The following KLF13 variants were observed in gnomAD, a reference collection of about 807,000 sequenced individuals.
KLF13 encodes KLF transcription factor 13, also known as Krueppel-like factor 13.
Under a neutral mutation model 16.7 loss-of-function variants are expected in KLF13, and 8 were observed. The ratio of observed to expected loss-of-function variants is 0.48; its 90% CI spans 0.28 to 0.87. The LOEUF (loss-of-function observed/expected upper bound fraction) is 0.87. Among genes scored for constraint, KLF13 ranks in the 40% least tolerant of loss-of-function variants. The probability of loss-of-function intolerance (pLI) is 0.10; values close to 1 mark genes in which losing one functional copy is unlikely to be tolerated. For missense variants in KLF13, 447 were observed against 452.2 expected (o/e 0.99, Z 0.10); for synonymous variants, 245 against 208.4 (o/e 1.18, Z -1.51).
At chr15:31,347,927 AC>A (rs2039151105) in intron 1 of KLF13, among the ~76,000 whole-genome samples, 1 of 152,224 alleles carries the variant, frequency 6.6e-6, no homozygotes, top group Non-Finnish European at 1.5e-5. Flanking sequence ...CCCTCCTAAC[AC>A]GAGGAAGAGA....
Position 31,384,686 on chromosome 15 carries a change from A to T in KLF13, n.224-50684A>T, listed in dbSNP as rs766907937. On this transcript the variant is annotated intron_variant and non_coding_transcript_variant, in intron 1 of 1. Coordinates refer to the KLF13 transcript ENST00000558921. ...CCAACATTCATGAGCGTACTTTTGG[A>T]CATACCCCAAATGCCCTCAACATGT... Among the ~76,000 whole-genome samples the T allele has an allele frequency of 7.9e-5, 12 of 152,288 alleles. 2 individuals carry two copies. The highest frequency in any genetic ancestry group is 6.8e-3 in the Middle Eastern group (2 of 294).
chr15:31,387,016 CAA>C (rs2039803118), intron 1 of KLF13, among the ~76,000 whole-genome samples: 2 of 152,134 alleles, frequency 1.3e-5, no homozygotes, highest in Admixed American at 1.3e-4. Context: ...TATGGATGAG[CAA>C]AAACAGTGGT....
At chr15:31,416,744 A>G (rs954374311) in intron 1 of KLF13, among the ~76,000 whole-genome samples, 7 of 152,242 alleles carry the variant, frequency 4.6e-5, no homozygotes, top group Admixed American at 1.3e-4. Context: ...AAAAATTAAC[A>G]TAGAACAAAT....
At chr15:31,417,064 C>T (rs934296545) in intron 1 of KLF13, among the ~76,000 whole-genome samples, 2 of 152,226 alleles carry the variant, frequency 1.3e-5, no homozygotes, top group African/African-American at 4.8e-5. Flanking sequence ...GTTTGGTTTG[C>T]CCCCTTCTCC....
At chr15:31,429,704 T>C (rs1422939879) in intron 1 of KLF13, among the ~76,000 whole-genome samples, 1 of 23,188 alleles carries the variant, frequency 4.3e-5, no homozygotes, top group African/African-American at 1.6e-4. Context: ...CTTTTATTTA[T>C]TTATTTATTT....
intron 1 of KLF13, among the ~76,000 whole-genome samples, chr15:31,434,581 T>G (rs2040508239): frequency 2.0e-5 from 3 of 152,150 alleles, no homozygotes; most frequent in South Asian, 4.1e-4. Context: ...AAGGGACTTT[T>G]GAGTTTGAGA....
intron 1 of KLF13, among the ~76,000 whole-genome samples, chr15:31,361,397 T>C (rs1295105694): frequency 3.3e-5 from 5 of 152,154 alleles, no homozygotes; most frequent in Non-Finnish European, 7.4e-5. Flanking sequence ...ATCAACACTT[T>C]CCTGTCTTCC....
chr15:31,340,748 G>A (rs61548777), intron 1 of KLF13, among the ~76,000 whole-genome samples: 5,440 of 152,160 alleles, frequency 0.036, 333 homozygotes, highest in African/African-American at 0.12. Context: ...GCACACACCT[G>A]TACCAGCTGC....
chr15:31,433,990 C>T (rs1221174929), intron 1 of KLF13, among the ~76,000 whole-genome samples: 2 of 152,144 alleles, frequency 1.3e-5, no homozygotes, highest in Non-Finnish European at 2.9e-5. Flanking sequence ...TGAGCACCTG[C>T]CAGATGTAGG....
intron 1 of KLF13, among the ~76,000 whole-genome samples, chr15:31,425,706 G>A (rs899282386): frequency 2.6e-5 from 4 of 152,082 alleles, no homozygotes; most frequent in African/African-American, 7.2e-5. Context: ...GTAAAACCCC[G>A]TCTCTACTAA....
downstream of KLF13, among the ~76,000 whole-genome samples, chr15:31,405,391 A>G (rs903065159): frequency 6.6e-6 from 1 of 152,208 alleles, no homozygotes; most frequent in Admixed American, 6.5e-5. Flanking sequence ...CCACAGCAAG[A>G]AGACTGCGGT....
At chr15:31,428,517 C>T (rs1048542884) in intron 1 of KLF13, among the ~76,000 whole-genome samples, 2 of 151,832 alleles carry the variant, frequency 1.3e-5, no homozygotes, top group African/African-American at 4.8e-5. Context: ...ATAGAAATGC[C>T]AAGGACCGGC....
intron 1 of KLF13, chr15:31,420,388 T>C: frequency 4.4e-6 from 5 of 1,142,848 alleles, no homozygotes; most frequent in Non-Finnish European, 6.5e-6. Context: ...AGTTCCCCAG[T>C]GGCTACCCTT....
At chr15:31,383,082 TC>T (rs1463276534) in intron 1 of KLF13, among the ~76,000 whole-genome samples, 1 of 152,226 alleles carries the variant, frequency 6.6e-6, no homozygotes, top group Non-Finnish European at 1.5e-5. Flanking sequence ...TCAGCAGACT[TC>T]CTCTGCACCT....
chr15:31,340,263 A>T (rs1264548892), intron 1 of KLF13, among the ~76,000 whole-genome samples: 2 of 152,272 alleles, frequency 1.3e-5, no homozygotes, highest in African/African-American at 4.8e-5. Context: ...CTCTCTGTGC[A>T]GCAGCAGCTG....
In KLF13 at chr15:31,398,616, C is replaced by T. The variant is rs138554398; in HGVS notation, n.530-4812C>T. On this transcript the variant is annotated intron_variant and non_coding_transcript_variant, in intron 2 of 2. Transcript: ENST00000500533. ...CAGCGACCCCTTCCATCCCAGGGCT[C>T]AAGCTCAGGGCTCCGAGCCCTCCCA... Among the ~76,000 whole-genome samples, 395 of 152,256 alleles carry T rather than the reference C, an allele frequency of 2.6e-3. 2 individuals are homozygous for T. Among genetic ancestry groups the T allele is most frequent in the African/African-American group, 9.0e-3 (376 of 41,556 alleles).
chr15:31,358,930 C>A (rs1469335309), intron 1 of KLF13, among the ~76,000 whole-genome samples: 1 of 152,198 alleles, frequency 6.6e-6, no homozygotes, highest in East Asian at 1.9e-4. Context: ...AAGGCGGGGG[C>A]AGTGGGGTCA....
intron 1 of KLF13, among the ~76,000 whole-genome samples, chr15:31,340,451 A>C (rs1846341150): frequency 6.6e-6 from 1 of 152,218 alleles, no homozygotes; most frequent in South Asian, 2.1e-4. Flanking sequence ...TGAGGGCCCC[A>C]GCATCCCTCC....
chr15:31,381,431 C>T (rs891626749), downstream of KLF13, among the ~76,000 whole-genome samples: 4 of 152,110 alleles, frequency 2.6e-5, no homozygotes, highest in Non-Finnish European at 5.9e-5. Flanking sequence ...ATCAGAGTAG[C>T]GTCTCCTCTC....
Sources: allele counts gnomAD v4.1 joint callset (sites outside exome capture counted in the v4.1 genomes callset), GRCh38; gene constraint gnomAD v4.1.1; transcripts MANE v1.5; gene names NCBI Gene and HGNC (gene_info 2026-07-23, HGNC 2026-07-21).